TRPS1: variants seen among roughly 807,000 people sequenced by gnomAD.
TRPS1 encodes the protein zinc finger transcription factor Trps1.
A neutral mutation model predicts 101.2 loss-of-function variants in TRPS1; 6 were observed. The observed-to-expected ratio is 0.06, with a 90% CI of 0.03 to 0.12. TRPS1 has a LOEUF of 0.12. Among genes scored for constraint, TRPS1 ranks in the 10% least tolerant of loss-of-function variants. TRPS1 has a pLI of 1.00. For missense variants in TRPS1, 1,363 were observed against 1,567.0 expected (o/e 0.87, Z 2.20); for synonymous variants, 578 against 589.8 (o/e 0.98, Z 0.29).
chr8:115,641,773 G>A (rs563143642), intron 1 of TRPS1, among the ~76,000 whole-genome samples: 5 of 152,134 alleles, frequency 3.3e-5, no homozygotes, highest in Admixed American at 6.5e-5. Context: ...TCAGCTACTC[G>A]GGAGGCTAAG....
chr8:115,533,102 A>T (rs907514799), intron 5 of TRPS1, among the ~76,000 whole-genome samples: 1 of 152,164 alleles, frequency 6.6e-6, no homozygotes, highest in African/African-American at 2.4e-5. Flanking sequence ...CTTCTATAGG[A>T]TCTAAAATTT....
chr8:115,611,907 T>C (rs1269714918), intron 3 of TRPS1, among the ~76,000 whole-genome samples: 1 of 152,236 alleles, frequency 6.6e-6, no homozygotes, highest in Non-Finnish European at 1.5e-5. Context: ...TCTGGAAAGT[T>C]AATGTCTTAT....
intron 5 of TRPS1, among the ~76,000 whole-genome samples, chr8:115,466,618 C>T (rs375628565): frequency 6.6e-6 from 1 of 151,982 alleles, no homozygotes; most frequent in Non-Finnish European, 1.5e-5. Context: ...TCTAGAAATA[C>T]TAGGGATTTC....
At chr8:115,616,365 G>A (rs1818276350) in intron 3 of TRPS1, among the ~76,000 whole-genome samples, 1 of 152,058 alleles carries the variant, frequency 6.6e-6, no homozygotes, top group Non-Finnish European at 1.5e-5. Flanking sequence ...CTTAAACCGG[G>A]AAATCTTCGA....
intron 5 of TRPS1, among the ~76,000 whole-genome samples, chr8:115,479,547 A>C (rs1048821323): frequency 4.6e-5 from 7 of 152,184 alleles, no homozygotes; most frequent in Non-Finnish European, 8.8e-5. Context: ...AAACAAAGCA[A>C]AACAAAACAA....
At chr8:115,416,502 T>C (rs1428818330) in intron 6 of TRPS1, among the ~76,000 whole-genome samples, 2 of 148,876 alleles carry the variant, frequency 1.3e-5, no homozygotes, top group Non-Finnish European at 3.0e-5. Flanking sequence ...ATTATGTGTA[T>C]ATAATGTATA....
chr8:115,559,531 TGA>T (rs1015801691), intron 5 of TRPS1, among the ~76,000 whole-genome samples: 19 of 152,240 alleles, frequency 1.2e-4, no homozygotes, highest in African/African-American at 4.6e-4. Context: ...GTAACTGCCA[TGA>T]GAGATATTTC....
At chr8:115,429,487 G>C (rs1385569550) in intron 5 of TRPS1, among the ~76,000 whole-genome samples, 1 of 152,110 alleles carries the variant, frequency 6.6e-6, no homozygotes. Flanking sequence ...CTGTGATCTG[G>C]AGTTTATTAA....
chr8:115,441,866 TGAGAGAGAGAGA>T lies in TRPS1; in HGVS notation c.2701-23426_2701-23415del, dbSNP rs56875076. Among the ~76,000 whole-genome samples, 20 of 139,602 alleles carry T rather than the reference TGAGAGAGAGAGA, an allele frequency of 1.4e-4. No homozygotes were observed. In the South Asian group the frequency reaches 4.7e-3, roughly 33 times the overall value. 91.6% of individuals were successfully genotyped at this position (139,602 alleles called of 152,430 possible). ...CCATGATAGGTCTCCCAATTGAGAG[TGAGAGAGAGAGA>T]GAGAGAGAGAGAGAGAGAGAGTGTG... On this transcript the variant is annotated intron_variant, in intron 5 of 6. Transcript: ENST00000395715.
chr8:115,486,183 A>G (rs1007421108), intron 5 of TRPS1, among the ~76,000 whole-genome samples: 1 of 152,108 alleles, frequency 6.6e-6, no homozygotes, highest in African/African-American at 2.4e-5. Context: ...CATTATTACT[A>G]TAGTATCTTT....
chr8:115,442,733 G>A (rs1586277859), intron 5 of TRPS1, among the ~76,000 whole-genome samples: 1 of 152,008 alleles, frequency 6.6e-6, no homozygotes, highest in Non-Finnish European at 1.5e-5. Context: ...ATGCTGAGGC[G>A]GGCGGATCAT....
chr8:115,637,387 G>T, intron 1 of TRPS1: 2 of 806,466 alleles, frequency 2.5e-6, no homozygotes, highest in Non-Finnish European at 3.0e-6. Flanking sequence ...GTAGACGGAA[G>T]AAGGGAAAGG....
At chr8:115,459,959 T>C (rs1814126133) in intron 5 of TRPS1, among the ~76,000 whole-genome samples, 1 of 152,178 alleles carries the variant, frequency 6.6e-6, no homozygotes, top group Non-Finnish European at 1.5e-5. Context: ...AAATTATGTA[T>C]GTAATACATA....
intron 5 of TRPS1, among the ~76,000 whole-genome samples, chr8:115,449,148 TAAAG>T (rs1239574495): frequency 6.6e-6 from 1 of 152,200 alleles, no homozygotes; most frequent in Non-Finnish European, 1.5e-5. Flanking sequence ...TCCTCTGTTA[TAAAG>T]AAAGGAAAAT....
chr8:115,408,614 T>C lies in TRPS1; in HGVS notation c.*5409A>G, dbSNP rs1335457951. ...ACATGTTTGTGAGTAGAAATGAACATGCACTATGAAAACAAAATAAAATAA... is the reference window on the plus strand; with the variant it reads ...ACATGTTTGTGAGTAGAAATGAACACGCACTATGAAAACAAAATAAAATAA... On this transcript the variant is annotated 3_prime_UTR_variant, in exon 7 of 7. Transcript: ENST00000395715. 6.6e-6 allele frequency: 1 copy of C among 151,156 alleles called. No homozygotes were observed. The highest frequency in any genetic ancestry group is 1.5e-5 in the Non-Finnish European group (1 of 67,650). The allele number at this position is 151,156 out of a possible 1,614,324, so 9.4% of individuals were successfully genotyped here. A position where few individuals can be genotyped will look rare whatever the true frequency, so the allele number is the denominator to read the frequency against.
At chr8:115,599,879 T>TG (rs34472877) in intron 4 of TRPS1, among the ~76,000 whole-genome samples, 44,285 of 151,808 alleles carry the variant, frequency 0.29, 7,589 homozygotes, top group East Asian at 0.52. Context: ...CTGGGTCAAA[T>TG]GGTATTTCTG....
intron 5 of TRPS1, among the ~76,000 whole-genome samples, chr8:115,541,601 A>C (rs949894039): frequency 2.0e-5 from 3 of 152,198 alleles, no homozygotes; most frequent in Non-Finnish European, 4.4e-5. Context: ...ATTGTTTTTC[A>C]GCTCTGACAG....
At chr8:115,427,251 T>A (rs1480843887) in intron 5 of TRPS1, among the ~76,000 whole-genome samples, 1 of 152,142 alleles carries the variant, frequency 6.6e-6, no homozygotes, top group Non-Finnish European at 1.5e-5. Flanking sequence ...TACTCCAGCC[T>A]GGGCAACAGA....
intron 5 of TRPS1, among the ~76,000 whole-genome samples, chr8:115,547,294 G>A (rs1357519374): frequency 6.6e-6 from 1 of 151,664 alleles, no homozygotes; most frequent in Non-Finnish European, 1.5e-5. Flanking sequence ...TCTACCTCTC[G>A]CCCTCCCCTT....
Sources: allele counts gnomAD v4.1 joint callset (sites outside exome capture counted in the v4.1 genomes callset), GRCh38; gene constraint gnomAD v4.1.1; transcripts MANE v1.5; gene names NCBI Gene and HGNC (gene_info 2026-07-23, HGNC 2026-07-21).